The following BATF2 variants were observed in gnomAD, a reference collection of about 807,000 sequenced individuals.
BATF2 encodes the protein basic leucine zipper transcriptional factor ATF-like 2.
Under a neutral mutation model 7.3 loss-of-function variants are expected in BATF2, and 4 were observed. The ratio of observed to expected loss-of-function variants is 0.55; its 90% CI spans 0.27 to 1.26. BATF2 has a LOEUF of 1.26. Among genes scored for constraint, BATF2 ranks in the 50% most tolerant of loss-of-function variants. The pLI is 0.11. For missense variants in BATF2, 295 were observed against 340.5 expected (o/e 0.87, Z 1.05); for synonymous variants, 152 against 153.9 (o/e 0.99, Z 0.09).
At chr11:64,990,068 T>G in intron 2 of BATF2, 1 of 1,536,356 alleles carries the variant, frequency 6.5e-7, no homozygotes, top group Non-Finnish European at 8.7e-7. Flanking sequence ...CGGTGCCATT[T>G]CTCACCTGGG....
chr11:64,994,433 A>C lies in BATF2; in HGVS notation c.141+15T>G. On this transcript the variant is annotated intron_variant, in intron 2 of 2. Transcript: ENST00000301887. ...GGAGCCAGAGACAAGGAAAGGGGTTAGGGGTTGTCCACACCTGGTGCAGGG... is the reference window on the plus strand; with the variant it reads ...GGAGCCAGAGACAAGGAAAGGGGTTCGGGGTTGTCCACACCTGGTGCAGGG... The C allele has an allele frequency of 6.4e-7, 1 of 1,563,022 alleles. No individual in the cohort carries two copies. The highest frequency in any genetic ancestry group is 8.7e-7 in the Non-Finnish European group (1 of 1,152,972).
intron 1 of BATF2, among the ~76,000 whole-genome samples, chr11:64,995,977 A>G (rs549289795): frequency 6.6e-6 from 1 of 152,164 alleles, no homozygotes; most frequent in African/African-American, 2.4e-5. Flanking sequence ...ATTTTATTTT[A>G]TTGAGACAGA....
chr11:64,994,777 G>C (rs1383054899), intron 1 of BATF2, among the ~76,000 whole-genome samples: 1 of 152,240 alleles, frequency 6.6e-6, no homozygotes, highest in Non-Finnish European at 1.5e-5. Context: ...TGGAGGGTGG[G>C]AGGGCAAGCA....
In BATF2 at chr11:64,989,057, G is replaced by A; in HGVS notation, c.*72C>T. Reference sequence around the variant, plus strand: ...ACGCAGGGCAGCACCCAGTAGTGAGGGAGGAGAGGCCCGTGTGCTAAGGCT... The same window carrying A: ...ACGCAGGGCAGCACCCAGTAGTGAGAGAGGAGAGGCCCGTGTGCTAAGGCT... On this transcript the variant is annotated 3_prime_UTR_variant, in exon 3 of 3. Transcript: ENST00000301887. This position sits in a 1 kb window ranked among gnomAD's most constrained non-coding sequence, Gnocchi z 4.3. 1 of 1,533,968 alleles carries A rather than the reference G, an allele frequency of 6.5e-7. No individual in the cohort carries two copies. The highest frequency in any genetic ancestry group is 9.0e-7 in the Non-Finnish European group (1 of 1,108,256).
intron 1 of BATF2, 148 bp from the exon 2 acceptor site, chr11:64,994,697 C>T: frequency 2.8e-6 from 2 of 707,770 alleles, no homozygotes; most frequent in South Asian, 1.7e-5. Flanking sequence ...GCACCCACAC[C>T]CCCTATAGCA....
Position 64,989,227 on chromosome 11 carries a change from C to G in BATF2, c.727G>C (p.Ala243Pro). The change falls in exon 3 of 3, where the codon GCT becomes CCT. Residue 243 changes from alanine to proline, a missense_variant. Physicochemically the swap from Ala to Pro is conservative, Grantham distance 27. Coordinates refer to ENST00000301887, the MANE Select transcript of BATF2 (RefSeq NM_138456.4). The surrounding 1 kb of genome is among the most constrained non-coding windows in gnomAD (Gnocchi z 4.3). The stretch of plus-strand genomic sequence containing the variant: ...CCTTGCCAAGTGGCTGCTGAGAGAG[C>G]AGGTTTGTGCTCCCTGCTCTGCAGA... Reference protein sequence around the residue: ...ARLQSREHKPALSAATWQGLV... With the variant: ...ARLQSREHKPPLSAATWQGLV... The G allele has an allele frequency of 6.2e-7, 1 of 1,613,912 alleles. No individual in the cohort carries two copies. Among genetic ancestry groups the G allele is most frequent in the Non-Finnish European group, 8.5e-7 (1 of 1,179,896 alleles).
rs1378101943 is a variant in BATF2 at position 64,994,431 on chromosome 11, T to A, written c.141+17A>T. The A allele has an allele frequency of 3.2e-6, 5 of 1,560,418 alleles. No individual in the cohort carries two copies. In the South Asian group the frequency reaches 4.7e-5, roughly 15 times the overall value. ...GTGGAGCCAGAGACAAGGAAAGGGGTTAGGGGTTGTCCACACCTGGTGCAG... is the reference window on the plus strand; with the variant it reads ...GTGGAGCCAGAGACAAGGAAAGGGGATAGGGGTTGTCCACACCTGGTGCAG... On this transcript the variant is annotated intron_variant, in intron 2 of 2. Transcript: ENST00000301887.
At chr11:64,994,614 G>A (rs776880491) in intron 1 of BATF2, 65 bp from the exon 2 acceptor site, 17 of 1,452,454 alleles carry the variant, frequency 1.2e-5, no homozygotes, top group Middle Eastern at 1.8e-4. Context: ...GTCCTGGCCC[G>A]CCATTTGTAA....
rs745652781 is a variant in BATF2, at chr11:64,996,871, C to A, written c.39+5G>T. 2 of 1,611,318 alleles carry A rather than the reference C, an allele frequency of 1.2e-6. No individual in the cohort carries two copies. Among genetic ancestry groups the A allele is most frequent in the African/African-American group, 2.7e-5 (2 of 74,826 alleles). ...CATCCCCGATCCCCAATCCCCTGTA[C>A]TCACTGTCTGGGTCAGCAGCCCATT... On this transcript the variant is annotated splice_donor_5th_base_variant and intron_variant, in intron 1 of 2. Transcript: ENST00000301887.
At chr11:64,994,346 C>T (rs745875269) in intron 2 of BATF2, 102 bp downstream of exon 2, 2 of 1,127,596 alleles carry the variant, frequency 1.8e-6, no homozygotes, top group Admixed American at 2.2e-5. Context: ...TAGAAAAATA[C>T]AGGAGTTTGG....
chr11:64,989,488 G>GT lies in BATF2; in HGVS notation c.465dup (p.Leu156ThrfsTer10). On this transcript the variant is annotated frameshift_variant, in exon 3 of 3. Transcript: ENST00000301887. LOFTEE classifies it low-confidence loss of function (END_TRUNC). The surrounding 1 kb of genome is among the most constrained non-coding windows in gnomAD (Gnocchi z 4.3). ...GCAACCACAGCGGGGCCAAGGGACA[G>GT]TGAGGGCAGGGGGCACTGGAGGAGG... The GT allele has an allele frequency of 2.5e-6, 4 of 1,609,442 alleles. No homozygotes were observed. The highest frequency in any genetic ancestry group is 3.4e-6 in the Non-Finnish European group (4 of 1,177,874).
intron 2 of BATF2, chr11:64,990,262 C>T (rs1390808615): frequency 2.0e-6 from 3 of 1,525,188 alleles, no homozygotes; most frequent in Non-Finnish European, 2.6e-6. Context: ...TCCTCTCTCT[C>T]GCCTTCTTTC....
intron 2 of BATF2, chr11:64,990,018 C>T (rs528027123): frequency 1.3e-6 from 2 of 1,536,602 alleles, no homozygotes; most frequent in African/African-American, 2.7e-5. Context: ...GAAGGGGGCT[C>T]AGATCCGCCT....
At chr11:64,995,417 C>A (rs1590721940) in intron 1 of BATF2, among the ~76,000 whole-genome samples, 1 of 152,228 alleles carries the variant, frequency 6.6e-6, no homozygotes, top group East Asian at 1.9e-4. Context: ...CATGTATAAG[C>A]ACCTACTATG....
At chr11:64,990,529 C>G in intron 2 of BATF2, 1 of 1,117,816 alleles carries the variant, frequency 8.9e-7, no homozygotes, top group South Asian at 2.6e-5. Flanking sequence ...GTGTTCGATT[C>G]TGCATCCCTG....
chr11:64,993,102 G>A (rs1946088626), intron 2 of BATF2, among the ~76,000 whole-genome samples: 1 of 152,190 alleles, frequency 6.6e-6, no homozygotes, highest in Admixed American at 6.5e-5. Context: ...GTTCACGCCT[G>A]TAATCCCAGC....
At chr11:64,990,329 G>T in intron 2 of BATF2, 1 of 1,469,576 alleles carries the variant, frequency 6.8e-7, no homozygotes, top group Non-Finnish European at 9.0e-7. Flanking sequence ...CACATTTCCT[G>T]TTTCCTCTGC....
At chr11:64,990,013 G>C in intron 2 of BATF2, 1 of 1,532,232 alleles carries the variant, frequency 6.5e-7, no homozygotes, top group Non-Finnish European at 8.8e-7. Flanking sequence ...CCTCTGAAGG[G>C]GGCTCAGATC....
chr11:64,995,192 C>T lies in BATF2; in HGVS notation c.40-643G>A, dbSNP rs75909504. The stretch of plus-strand genomic sequence containing the variant: ...ATATTCTTGAACCCAATCGCCCCAT[C>T]CCTGCAATGGAAGCACCACAGCAGA... On this transcript the variant is annotated intron_variant, in intron 1 of 2. Coordinates refer to ENST00000301887, the MANE Select transcript of BATF2 (RefSeq NM_138456.4). 8.7e-3 allele frequency among the ~76,000 whole-genome samples: 1,322 copies of T among 152,256 alleles called. 28 individuals carry two copies. Among genetic ancestry groups the T allele is most frequent in the African/African-American group, 0.031 (1,268 of 41,548 alleles).
Sources: gnomAD v4.1 joint callset for allele counts (sites outside exome capture counted in the v4.1 genomes callset) on GRCh38, gnomAD v4.1.1 for gene constraint, Gnocchi (gnomAD v3.1) non-coding constraint, MANE v1.5 for transcripts, NCBI Gene and HGNC (gene_info 2026-07-23, HGNC 2026-07-21) for gene names.